Variants in OPCML observed in about 807,000 individuals in gnomAD.
The protein encoded by OPCML is opioid binding protein/cell adhesion molecule like.
A neutral mutation model predicts 37.8 loss-of-function variants in OPCML; 13 were observed. The observed-to-expected ratio is 0.34, with a 90% CI of 0.22 to 0.55. OPCML has a LOEUF of 0.55. OPCML is among the 20% of genes least tolerant of loss of function. OPCML has a pLI of 0.91. For missense variants in OPCML, 341 were observed against 435.6 expected, an observed-to-expected ratio of 0.78 and a Z score of 1.93; for synonymous variants, 176 against 168.8, an observed-to-expected ratio of 1.04 and a Z score of -0.33.
intron 3 of OPCML, among the ~76,000 whole-genome samples, chr11:132,570,978 C>T (rs138121442): frequency 6.6e-5 from 10 of 151,380 alleles, no homozygotes; most frequent in Non-Finnish European, 1.2e-4. Flanking sequence ...CCAGGGGAGA[C>T]CGACATGTAA....
intron 1 of OPCML, among the ~76,000 whole-genome samples, chr11:133,062,253 T>C (rs1210868068): frequency 6.6e-6 from 1 of 152,300 alleles, no homozygotes; most frequent in East Asian, 1.9e-4. Context: ...CCCAGATACC[T>C]GTCCTTGCCT....
chr11:132,481,156 G>A (rs983359075), intron 4 of OPCML, among the ~76,000 whole-genome samples: 1 of 152,144 alleles, frequency 6.6e-6, no homozygotes, highest in East Asian at 1.9e-4. Flanking sequence ...AGACCCATCA[G>A]TGTGCTGTAT....
chr11:133,032,167 G>A (rs114672527), intron 1 of OPCML, among the ~76,000 whole-genome samples: 1,679 of 152,254 alleles, frequency 0.011, 27 homozygotes, highest in African/African-American at 0.038. Context: ...ATCTGGTGGG[G>A]CTAGCCCTTC....
intron 1 of OPCML, among the ~76,000 whole-genome samples, chr11:133,178,804 T>C (rs1937682761): frequency 6.6e-6 from 1 of 152,178 alleles, no homozygotes; most frequent in Admixed American, 6.5e-5. Context: ...TAAACATAAT[T>C]GAGTTGATTG....
chr11:133,057,067 C>T (rs1335377674), intron 1 of OPCML, among the ~76,000 whole-genome samples: 1 of 152,208 alleles, frequency 6.6e-6, no homozygotes, highest in Non-Finnish European at 1.5e-5. Context: ...TGGTCTCGAA[C>T]TCCCGACCTC....
At chr11:133,105,351 T>G (rs1251813407) in intron 1 of OPCML, among the ~76,000 whole-genome samples, 2 of 152,198 alleles carry the variant, frequency 1.3e-5, no homozygotes, top group Non-Finnish European at 2.9e-5. Flanking sequence ...ACAAGATTTT[T>G]ATAATTACAT....
At chr11:133,501,347 T>A (rs760910971) in intron 1 of OPCML, among the ~76,000 whole-genome samples, 7 of 152,172 alleles carry the variant, frequency 4.6e-5, no homozygotes, top group Non-Finnish European at 8.8e-5. Flanking sequence ...CTAATCACAC[T>A]GGCAAAATTA....
At chr11:133,483,714 AG>A (rs1402795514) in intron 1 of OPCML, among the ~76,000 whole-genome samples, 1 of 148,636 alleles carries the variant, frequency 6.7e-6, no homozygotes, top group African/African-American at 2.5e-5. Context: ...ATAGATAGAT[AG>A]ATAGATAAAA....
At chr11:133,207,010 G>T (rs184762192) in intron 1 of OPCML, among the ~76,000 whole-genome samples, 3 of 151,946 alleles carry the variant, frequency 2.0e-5, no homozygotes, top group Admixed American at 2.0e-4. Context: ...TCTAAGAGCC[G>T]GGCGCGGTGG....
intron 1 of OPCML, among the ~76,000 whole-genome samples, chr11:132,955,693 C>T (rs1002812699): frequency 6.6e-6 from 1 of 151,996 alleles, no homozygotes; most frequent in Non-Finnish European, 1.5e-5. Flanking sequence ...ACCATCCTGA[C>T]CAACATGGTG....
intron 1 of OPCML, chr11:133,005,854 T>G: frequency 3.0e-6 from 3 of 985,414 alleles, no homozygotes; most frequent in Non-Finnish European, 3.6e-6. Context: ...CTAGGATCTA[T>G]TTTTAATTTG....
At chr11:132,726,502 A>G (rs1394252066) in intron 2 of OPCML, among the ~76,000 whole-genome samples, 1 of 108,726 alleles carries the variant, frequency 9.2e-6, no homozygotes, top group East Asian at 3.5e-4. Flanking sequence ...GCCAAACCAT[A>G]TCAACATTTT....
intron 1 of OPCML, among the ~76,000 whole-genome samples, chr11:133,397,244 T>C (rs1301876756): frequency 2.0e-5 from 3 of 152,194 alleles, no homozygotes; most frequent in Non-Finnish European, 2.9e-5. Flanking sequence ...GTCTCTTCCT[T>C]TTTCTATGTT....
chr11:133,084,584 C>G (rs1452899148), intron 1 of OPCML, among the ~76,000 whole-genome samples: 1 of 152,158 alleles, frequency 6.6e-6, no homozygotes, highest in Non-Finnish European at 1.5e-5. Context: ...GGAAGCCAAT[C>G]TGGGGTCAGG....
chr11:132,914,054 T>A (rs1944522161), intron 2 of OPCML, among the ~76,000 whole-genome samples: 1 of 152,218 alleles, frequency 6.6e-6, no homozygotes, highest in Non-Finnish European at 1.5e-5. Context: ...AGAGGCCATA[T>A]AATCCATCTC....
intron 3 of OPCML, among the ~76,000 whole-genome samples, chr11:132,636,858 C>T (rs1940533469): frequency 6.6e-6 from 1 of 152,058 alleles, no homozygotes; most frequent in African/African-American, 2.4e-5. Flanking sequence ...ATATTTTTCC[C>T]TTCTCTTGAA....
intron 2 of OPCML, among the ~76,000 whole-genome samples, chr11:132,820,904 A>G (rs1939947248): frequency 6.6e-6 from 1 of 152,152 alleles, no homozygotes; most frequent in Non-Finnish European, 1.5e-5. Flanking sequence ...ATAGATACAT[A>G]GCATGTATGT....
chr11:133,338,282 C>G (rs564764358), intron 1 of OPCML, among the ~76,000 whole-genome samples: 1 of 152,202 alleles, frequency 6.6e-6, no homozygotes, highest in East Asian at 1.9e-4. Flanking sequence ...GCCACTGGCT[C>G]TCTTGCTACA....
chr11:132,449,936 A>C (rs922347710), intron 4 of OPCML, among the ~76,000 whole-genome samples: 8 of 152,152 alleles, frequency 5.3e-5, no homozygotes, highest in Non-Finnish European at 8.8e-5. Flanking sequence ...ACAGCACTCG[A>C]CATTTGATTT....
Sources: gnomAD v4.1 joint callset for allele counts (sites outside exome capture counted in the v4.1 genomes callset) on GRCh38, gnomAD v4.1.1 for gene constraint, MANE v1.5 for transcripts, NCBI Gene and HGNC (gene_info 2026-07-23, HGNC 2026-07-21) for gene names.